PTPRM: variants seen among roughly 807,000 people sequenced by gnomAD.
PTPRM encodes the protein receptor-type tyrosine-protein phosphatase mu.
Under a neutral mutation model 186.7 loss-of-function variants are expected in PTPRM, and 47 were observed. The ratio of observed to expected loss-of-function variants is 0.25; its 90% confidence interval spans 0.20 to 0.32. PTPRM has a LOEUF of 0.32. Among genes scored for constraint, PTPRM ranks in the 10% least tolerant of loss-of-function variants. PTPRM has a pLI of 1.00. For synonymous variants in PTPRM, 668 were observed against 674.9 expected, an observed-to-expected ratio of 0.99 and a Z score of 0.16; for missense variants, 1,494 against 1,865.0, an observed-to-expected ratio of 0.80 and a Z score of 3.66.
At chr18:8,277,945 T>C (rs562119306) in intron 19 of PTPRM, among the ~76,000 whole-genome samples, 7 of 152,370 alleles carry the variant, frequency 4.6e-5, no homozygotes, top group African/African-American at 1.2e-4. Context: ...AGAAGTGGGC[T>C]AGAAGAAAAA....
intron 4 of PTPRM, among the ~76,000 whole-genome samples, chr18:7,917,330 G>A (rs914329144): frequency 2.6e-5 from 4 of 152,138 alleles, no homozygotes; most frequent in African/African-American, 9.7e-5. Flanking sequence ...TCAGGAGATC[G>A]TGACCATCCT....
chr18:8,178,247 G>A (rs2093516014), intron 14 of PTPRM, among the ~76,000 whole-genome samples: 1 of 152,182 alleles, frequency 6.6e-6, no homozygotes, highest in Non-Finnish European at 1.5e-5. Flanking sequence ...ACAGGAATAA[G>A]CAAGGTTAGT....
At chr18:8,300,123 A>C (rs1028980672) in intron 20 of PTPRM, among the ~76,000 whole-genome samples, 1 of 152,204 alleles carries the variant, frequency 6.6e-6, no homozygotes, top group Non-Finnish European at 1.5e-5. Context: ...AGGATAAGAC[A>C]TGCATGAAAT....
chr18:8,302,057 C>T (rs1045925071), intron 20 of PTPRM, among the ~76,000 whole-genome samples: 1 of 152,156 alleles, frequency 6.6e-6, no homozygotes, highest in African/African-American at 2.4e-5. Flanking sequence ...GCTGACAGGG[C>T]ACCTGCCCTC....
chr18:8,384,169 A>G (rs531744567), intron 29 of PTPRM, among the ~76,000 whole-genome samples: 40 of 152,358 alleles, frequency 2.6e-4, no homozygotes, highest in African/African-American at 9.4e-4. Context: ...GAATTCCTGA[A>G]TGATGTCTCC....
Position 8,406,264 on chromosome 18 carries a change from T to G in PTPRM, c.*102T>G. 1 of 1,168,420 alleles carries G rather than the reference T, an allele frequency of 8.6e-7. No individual in the cohort carries two copies. Among genetic ancestry groups the G allele is most frequent in the Non-Finnish European group, 1.2e-6 (1 of 811,774 alleles). 72.4% of individuals were successfully genotyped at this position (1,168,420 alleles called of 1,614,324 possible). A position where few individuals can be genotyped will look rare whatever the true frequency, so the allele number is the denominator to read the frequency against. On this transcript the variant is annotated 3_prime_UTR_variant, in exon 33 of 33. Coordinates refer to ENST00000580170, the MANE Select transcript of PTPRM (RefSeq NM_001105244.2). ...TGAAGACTTCTCAATATGCTTATTTTGCTTTGCATAATTGGCTCTTTTTAA... is the reference window on the plus strand; with the variant it reads ...TGAAGACTTCTCAATATGCTTATTTGGCTTTGCATAATTGGCTCTTTTTAA...
intron 14 of PTPRM, among the ~76,000 whole-genome samples, chr18:8,180,523 T>A (rs189467214): frequency 4.6e-4 from 70 of 152,284 alleles, no homozygotes; most frequent in Middle Eastern, 3.4e-3. Context: ...GACTTGGGGT[T>A]TTATACATTG....
In PTPRM at chr18:8,296,387, C is replaced by G; in HGVS notation, c.2774C>G (p.Ser925Cys). Residue 925 changes from serine (S) to cysteine (C), a missense_variant, in exon 20 of 33, where the codon TCT becomes TGT. This residue lies in a region of PTPRM where 1,107 missense variants were observed against 1,350.2 expected (regional missense o/e 0.82). Transcript: ENST00000580170. ...TTCTAGAGCTTCTTTGAAGGGCAGT[C>G]TGCACCATGGGACTCGGCTAAGAAA... ...EEYESFFEGQ[S>C]APWDSAKKDE... 2 of 1,610,080 alleles carry G rather than the reference C, an allele frequency of 1.2e-6. No homozygotes were observed. Among genetic ancestry groups the G allele is most frequent in the Non-Finnish European group, 1.7e-6 (2 of 1,176,402 alleles).
chr18:8,328,438 C>T (rs1372923599), intron 22 of PTPRM, among the ~76,000 whole-genome samples: 4 of 152,182 alleles, frequency 2.6e-5, no homozygotes, highest in Non-Finnish European at 5.9e-5. Context: ...TTTATTCTTC[C>T]AAGAACCAGT....
intron 14 of PTPRM, among the ~76,000 whole-genome samples, chr18:8,238,652 T>TGTGTG (rs1491488825): frequency 0.038 from 1,190 of 31,058 alleles, 26 homozygotes; most frequent in African/African-American, 0.14. Context: ...GTTTTGTGTG[T>TGTGTG]TTTTTTTTTT....
At chr18:7,937,999 T>G (rs2051933667) in intron 5 of PTPRM, among the ~76,000 whole-genome samples, 1 of 152,194 alleles carries the variant, frequency 6.6e-6, no homozygotes, top group Non-Finnish European at 1.5e-5. Flanking sequence ...ATTTTCTACT[T>G]CAGACCTAGA....
At chr18:8,217,072 C>T (rs1043914761) in intron 14 of PTPRM, among the ~76,000 whole-genome samples, 6 of 152,154 alleles carry the variant, frequency 3.9e-5, no homozygotes, top group African/African-American at 1.4e-4. Context: ...AATACTGTGG[C>T]AAGGTTAATA....
At chr18:7,648,222 T>A (rs1397310866) in intron 1 of PTPRM, among the ~76,000 whole-genome samples, 1 of 152,168 alleles carries the variant, frequency 6.6e-6, no homozygotes, top group South Asian at 2.1e-4. Context: ...TATAAGACTG[T>A]CAACTTAATT....
chr18:8,157,537 G>A (rs2093147782), intron 14 of PTPRM, among the ~76,000 whole-genome samples: 1 of 152,222 alleles, frequency 6.6e-6, no homozygotes, highest in Non-Finnish European at 1.5e-5. Context: ...GCTGGAATGA[G>A]ACAGCTCATT....
At chr18:7,597,985 T>C (rs537564558) in intron 1 of PTPRM, among the ~76,000 whole-genome samples, 5 of 152,280 alleles carry the variant, frequency 3.3e-5, no homozygotes, top group Non-Finnish European at 5.9e-5. Flanking sequence ...CCTGAAACAA[T>C]GCATTTAAAA....
chr18:7,721,319 AT>A (rs1423918181), intron 1 of PTPRM, among the ~76,000 whole-genome samples: 2 of 151,434 alleles, frequency 1.3e-5, no homozygotes, highest in East Asian at 3.9e-4. Context: ...TTATAATTGG[AT>A]TTTTTGTTAT....
chr18:8,162,386 C>A (rs939688805), intron 14 of PTPRM, among the ~76,000 whole-genome samples: 5 of 152,238 alleles, frequency 3.3e-5, no homozygotes, highest in African/African-American at 1.2e-4. Flanking sequence ...TGGGCATGAG[C>A]TACCGCGCCT....
intron 5 of PTPRM, among the ~76,000 whole-genome samples, chr18:7,943,628 C>T (rs558084659): frequency 1.6e-3 from 238 of 152,268 alleles, no homozygotes; most frequent in African/African-American, 5.3e-3. Flanking sequence ...AGGGTTGGTT[C>T]CTCCCAAAAG....
intron 3 of PTPRM, among the ~76,000 whole-genome samples, chr18:7,894,442 C>T (rs912129229): frequency 6.6e-6 from 1 of 151,592 alleles, no homozygotes; most frequent in Admixed American, 6.6e-5. Context: ...AAAAAATTAG[C>T]GGGCGTGGTG....
Sources: allele counts gnomAD v4.1 joint callset (sites outside exome capture counted in the v4.1 genomes callset), GRCh38; gene constraint gnomAD v4.1.1; regional missense constraint gnomAD v4.1.1; transcripts MANE v1.5; gene names NCBI Gene and HGNC (gene_info 2026-07-23, HGNC 2026-07-21).